The following CNTN4 variants were observed in gnomAD, a reference collection of about 807,000 sequenced individuals.
CNTN4 encodes contactin 4.
A neutral mutation model predicts 122.5 loss-of-function variants in CNTN4; 77 were observed. The observed-to-expected ratio is 0.63, with a 90% CI of 0.52 to 0.76. The LOEUF (loss-of-function observed/expected upper bound fraction) is 0.76. CNTN4 is among the 30% of genes least tolerant of loss of function. The pLI, the probability that CNTN4 is intolerant of heterozygous loss-of-function variation, is 0.00. For synonymous variants in CNTN4, 512 were observed against 447.0 expected, an observed-to-expected ratio of 1.15 and a Z score of -1.83; for missense variants, 1,256 against 1,259.1, an observed-to-expected ratio of 1.00 and a Z score of 0.04.
rs527330707 is a variant in CNTN4 at position 2,161,947 on chromosome 3, T to C, written c.-145+61308T>C. ...AATCTGCTCCGTTCTTTGACATAAA[T>C]TGATTGATTAGAATGTTTGCATCCC... On this transcript the variant is annotated intron_variant, in intron 2 of 24. Transcript: ENST00000418658. 4.3e-4 allele frequency among the ~76,000 whole-genome samples: 66 copies of C among 152,296 alleles called. 1 individual carries two copies. In the Middle Eastern group the frequency reaches 0.014, roughly 31 times the overall value.
intron 2 of CNTN4, among the ~76,000 whole-genome samples, chr3:2,131,546 A>G (rs540232105): frequency 1.3e-5 from 2 of 152,284 alleles, no homozygotes; most frequent in African/African-American, 2.4e-5. Flanking sequence ...TAGCTAGGGT[A>G]AAGTGGGGTG....
At chr3:3,015,170 G>C (rs1372194500) in intron 14 of CNTN4, among the ~76,000 whole-genome samples, 1 of 152,152 alleles carries the variant, frequency 6.6e-6, no homozygotes. Flanking sequence ...AGGAAGAAGA[G>C]TCTCTTTTAG....
chr3:2,852,148 T>G (rs1211317906), intron 7 of CNTN4, among the ~76,000 whole-genome samples: 1 of 152,218 alleles, frequency 6.6e-6, no homozygotes. Context: ...GTTAGCATAA[T>G]AAGCATGCTA....
chr3:2,820,348 C>T (rs944385588), intron 7 of CNTN4, among the ~76,000 whole-genome samples: 1 of 152,152 alleles, frequency 6.6e-6, no homozygotes, highest in African/African-American at 2.4e-5. Context: ...GCCCGATAAA[C>T]ATATAGAGAG....
chr3:2,838,797 T>A (rs1245740782), intron 7 of CNTN4, among the ~76,000 whole-genome samples: 1 of 152,138 alleles, frequency 6.6e-6, no homozygotes, highest in African/African-American at 2.4e-5. Context: ...ATCCGTACAT[T>A]AACTACTCTA....
intron 6 of CNTN4, among the ~76,000 whole-genome samples, chr3:2,808,637 C>A (rs1228926909): frequency 6.6e-6 from 1 of 152,104 alleles, no homozygotes; most frequent in South Asian, 2.1e-4. Flanking sequence ...ATGTTTTCAT[C>A]ATCTCTGGCA....
At chr3:2,211,288 C>G (rs1389972919) in intron 2 of CNTN4, among the ~76,000 whole-genome samples, 1 of 152,096 alleles carries the variant, frequency 6.6e-6, no homozygotes, top group Non-Finnish European at 1.5e-5. Context: ...GGATCCACCC[C>G]CATGATCCAA....
chr3:2,736,441 A>AT lies in CNTN4; in HGVS notation c.182+103dup, dbSNP rs1553624857. 10 of 662,552 alleles carry AT rather than the reference A, an allele frequency of 1.5e-5. No individual in the cohort carries two copies. In the African/African-American group the frequency reaches 1.6e-4, roughly 10 times the overall value. The allele number at this position is 662,552 out of a possible 1,614,324, so 41.0% of individuals were successfully genotyped here. On this transcript the variant is annotated intron_variant, in intron 5 of 24. Coordinates refer to ENST00000418658, the MANE Select transcript of CNTN4 (RefSeq NM_175607.3). ...CTGGTTACATAAAGAGCTTTTATTTATTTATTTTATTTTATTTTATTTTAT... is the reference window on the plus strand; with the variant it reads ...CTGGTTACATAAAGAGCTTTTATTTATTTTATTTTATTTTATTTTATTTTAT...
chr3:2,388,139 G>T (rs1352519030), intron 3 of CNTN4, among the ~76,000 whole-genome samples: 3 of 152,150 alleles, frequency 2.0e-5, no homozygotes, highest in Non-Finnish European at 2.9e-5. Context: ...TCTGCAGAAG[G>T]TCCTTCAAGT....
chr3:2,786,440 CTGCT>C (rs2091836908), intron 6 of CNTN4, among the ~76,000 whole-genome samples: 1 of 152,220 alleles, frequency 6.6e-6, no homozygotes, highest in Non-Finnish European at 1.5e-5. Flanking sequence ...GCCTCTGCAC[CTGCT>C]TACCTGCGTG....
At chr3:2,716,860 A>G (rs1182830742) in intron 4 of CNTN4, among the ~76,000 whole-genome samples, 2 of 152,068 alleles carry the variant, frequency 1.3e-5, no homozygotes, top group Non-Finnish European at 2.9e-5. Flanking sequence ...GACATTTCTT[A>G]TGAATGGAAT....
intron 13 of CNTN4, among the ~76,000 whole-genome samples, chr3:2,951,376 G>A (rs764566072): frequency 6.6e-6 from 1 of 152,168 alleles, no homozygotes; most frequent in Non-Finnish European, 1.5e-5. Flanking sequence ...ATAGGGTTCA[G>A]GTCCTGTCCT....
intron 3 of CNTN4, among the ~76,000 whole-genome samples, chr3:2,374,660 C>T (rs573563086): frequency 1.3e-5 from 2 of 152,244 alleles, no homozygotes; most frequent in East Asian, 3.9e-4. Flanking sequence ...AAAGGCCATG[C>T]TTCTAATGAG....
At chr3:3,044,644 C>T (rs1276483740) in intron 23 of CNTN4, among the ~76,000 whole-genome samples, 1 of 152,188 alleles carries the variant, frequency 6.6e-6, no homozygotes, top group East Asian at 1.9e-4. Context: ...CCAAGATGGC[C>T]AAATAGGAAC....
chr3:2,509,849 G>T (rs2076834013), intron 3 of CNTN4, among the ~76,000 whole-genome samples: 1 of 152,052 alleles, frequency 6.6e-6, no homozygotes, highest in East Asian at 1.9e-4. Flanking sequence ...AAGTAAGATG[G>T]AGAAATCCAC....
At chr3:2,508,216 A>G (rs2127346) in intron 3 of CNTN4, among the ~76,000 whole-genome samples, 75,974 of 151,966 alleles carry the variant, frequency 0.5, 19,228 homozygotes, top group Admixed American at 0.57. Flanking sequence ...AGAAGGTTCA[A>G]TCATTGCTGC....
intron 14 of CNTN4, among the ~76,000 whole-genome samples, chr3:3,012,312 C>A (rs1433326470): frequency 6.6e-6 from 1 of 152,108 alleles, no homozygotes; most frequent in Non-Finnish European, 1.5e-5. Flanking sequence ...TTGACCTTTG[C>A]AAGGATTTTG....
At chr3:2,229,121 A>G (rs539916775) in intron 2 of CNTN4, among the ~76,000 whole-genome samples, 2 of 152,294 alleles carry the variant, frequency 1.3e-5, no homozygotes, top group South Asian at 2.1e-4. Context: ...TGTAGAAAAA[A>G]TAAGTTGGCT....
At chr3:2,567,050 C>T (rs187983437) in intron 3 of CNTN4, among the ~76,000 whole-genome samples, 167 of 152,058 alleles carry the variant, frequency 1.1e-3, no homozygotes, top group Non-Finnish European at 1.6e-3. Flanking sequence ...TCATTCTCAC[C>T]CTCCTCGTAG....
Sources: gnomAD v4.1 joint callset for allele counts (sites outside exome capture counted in the v4.1 genomes callset) on GRCh38, gnomAD v4.1.1 for gene constraint, MANE v1.5 for transcripts, NCBI Gene and HGNC (gene_info 2026-07-23, HGNC 2026-07-21) for gene names.